The following PLPP3 variants were observed in gnomAD, a reference collection of about 807,000 sequenced individuals.
The protein encoded by PLPP3 is phospholipid phosphatase 3.
In PLPP3, 6 loss-of-function variants were observed where a neutral mutation model predicts 29.6. The observed-to-expected ratio is 0.20, with a 90% CI of 0.11 to 0.40. PLPP3 has a LOEUF of 0.40. Among genes scored for constraint, PLPP3 ranks in the 10% least tolerant of loss-of-function variants. The pLI is 1.00. For synonymous variants in PLPP3, 152 were observed against 159.7 expected, an observed-to-expected ratio of 0.95 and a Z score of 0.36; for missense variants, 308 against 407.7, an observed-to-expected ratio of 0.76 and a Z score of 2.11.
chr1:56,519,755 T>C (rs1429387626), intron 4 of PLPP3, among the ~76,000 whole-genome samples: 1 of 152,082 alleles, frequency 6.6e-6, no homozygotes, highest in Admixed American at 6.5e-5. Flanking sequence ...TGTTTTTTTT[T>C]TTTTAATTAG....
intron 5 of PLPP3, among the ~76,000 whole-genome samples, chr1:56,499,077 C>G (rs1385858539): frequency 2.2e-4 from 32 of 146,450 alleles, no homozygotes; most frequent in Non-Finnish European, 4.1e-4. Flanking sequence ...CCCCCGTCCC[C>G]CCCCCCCACC....
At chr1:56,530,414 C>CA (rs1645879928) in intron 2 of PLPP3, among the ~76,000 whole-genome samples, 1 of 152,196 alleles carries the variant, frequency 6.6e-6, no homozygotes, top group Non-Finnish European at 1.5e-5. Flanking sequence ...CTAACTCTCC[C>CA]ACCTGGAGAT....
chr1:56,520,816 C>A (rs1032024006), intron 4 of PLPP3, among the ~76,000 whole-genome samples: 6 of 136,654 alleles, frequency 4.4e-5, no homozygotes, highest in Admixed American at 1.7e-4. Context: ...GAGTCTAAGG[C>A]AGGAGAATTG....
intron 2 of PLPP3, among the ~76,000 whole-genome samples, chr1:56,532,430 A>G (rs116531072): frequency 0.01 from 1,569 of 152,138 alleles, 21 homozygotes; most frequent in African/African-American, 0.036. Context: ...GGCAATGTTG[A>G]GGAACCTTGT....
rs1181170054 is a variant in PLPP3, at chr1:56,578,942, G to A, written c.75C>T (p.Asn25=). The change falls in exon 1 of 6, where the codon AAC becomes AAT. Residue 25 remains asparagine (N), a synonymous_variant. Transcript: ENST00000371250. ...CCCGCTTGCTGCCGCTCCTCCTCGG[G>A]TTGTTGTTGAGCGCCGGGCTGCCGC... ...KNGGSPALNN[N]PRRSGSKRVL... 6.2e-7 allele frequency: 1 copy of A among 1,606,022 alleles called. No homozygotes were observed. The highest frequency in any genetic ancestry group is 1.7e-5 in the Admixed American group (1 of 59,670).
At chr1:56,559,303 T>C (rs1646105599) in intron 1 of PLPP3, among the ~76,000 whole-genome samples, 1 of 152,220 alleles carries the variant, frequency 6.6e-6, no homozygotes, top group Non-Finnish European at 1.5e-5. Context: ...TGAGAATACC[T>C]GTGCATTCAA....
At chr1:56,497,542 G>A (rs79066668) in intron 5 of PLPP3, among the ~76,000 whole-genome samples, 5,490 of 152,216 alleles carry the variant, frequency 0.036, 176 homozygotes, top group Non-Finnish European at 0.042. Context: ...AACCATAAGC[G>A]GCAGCTATCA....
At chr1:56,510,150 A>G (rs1392255487) in intron 5 of PLPP3, among the ~76,000 whole-genome samples, 7 of 152,134 alleles carry the variant, frequency 4.6e-5, no homozygotes, top group Admixed American at 6.6e-5. Flanking sequence ...GCCAAGAAGG[A>G]ACCACAACAG....
At chr1:56,545,195 G>T (rs976279223) in intron 1 of PLPP3, among the ~76,000 whole-genome samples, 6 of 152,156 alleles carry the variant, frequency 3.9e-5, no homozygotes, top group Non-Finnish European at 7.3e-5. Context: ...AGGCAGACAA[G>T]ATTTCATATT....
chr1:56,502,373 C>T (rs1030660469), intron 5 of PLPP3, among the ~76,000 whole-genome samples: 6 of 152,182 alleles, frequency 3.9e-5, no homozygotes, highest in African/African-American at 1.4e-4. Flanking sequence ...AATTGAGCAT[C>T]ATCTATTCTG....
In PLPP3 at chr1:56,579,016, TGGCGCTGGCTGC is replaced by T. The variant is rs999853026; in HGVS notation, c.-12_-1del. 6.3e-7 allele frequency: 1 copy of T among 1,590,286 alleles called. No individual in the cohort carries two copies. Among genetic ancestry groups the T allele is most frequent in the Non-Finnish European group, 8.5e-7 (1 of 1,170,736 alleles). ...GCTTTGTCGTACTTGTAGTTTTGCA[TGGCGCTGGCTGC>T]GGCGCGAGCCTCCCGCCCCGCGAAG... On this transcript the variant is annotated 5_prime_UTR_variant, in exon 1 of 6. Transcript: ENST00000371250.
intron 1 of PLPP3, among the ~76,000 whole-genome samples, chr1:56,572,772 G>T (rs1317618415): frequency 6.6e-6 from 1 of 152,112 alleles, no homozygotes; most frequent in Non-Finnish European, 1.5e-5. Flanking sequence ...ACTCTATGAA[G>T]AACAACAGCA....
At chr1:56,507,907 T>A (rs1306450441) in intron 5 of PLPP3, among the ~76,000 whole-genome samples, 1 of 152,074 alleles carries the variant, frequency 6.6e-6, no homozygotes, top group Non-Finnish European at 1.5e-5. Flanking sequence ...GCTTTGAAAG[T>A]GGAGAATGGG....
intron 4 of PLPP3, 76 bp from the exon 5 acceptor site, chr1:56,512,228 C>T: frequency 1.5e-6 from 2 of 1,306,800 alleles, no homozygotes; most frequent in Non-Finnish European, 2.0e-6. Context: ...AGGTGACACA[C>T]ACTACATTTC....
rs977551641 is a variant in PLPP3, at chr1:56,579,112, C to T, written c.-96G>A. On this transcript the variant is annotated 5_prime_UTR_variant, in exon 1 of 6. Coordinates refer to ENST00000371250, the MANE Select transcript of PLPP3 (RefSeq NM_003713.5). Reference sequence around the variant, plus strand: ...CCGGGTCGCCTCCTGGCCGAGGCTGCTGCGGATAGTGGCGGGTCGGCCCCG... The same window carrying T: ...CCGGGTCGCCTCCTGGCCGAGGCTGTTGCGGATAGTGGCGGGTCGGCCCCG... 2.6e-6 allele frequency: 4 copies of T among 1,514,974 alleles called. No homozygotes were observed. The African/African-American group carries it at 5.8e-5, about 22-fold the overall frequency. 93.8% of individuals were successfully genotyped at this position (1,514,974 alleles called of 1,614,324 possible).
At chr1:56,533,330 G>A (rs574887072) in intron 2 of PLPP3, among the ~76,000 whole-genome samples, 86 of 152,168 alleles carry the variant, frequency 5.7e-4, no homozygotes, top group Non-Finnish European at 9.4e-4. Context: ...TTGTATTAAG[G>A]TGTTATTTGC....
Position 56,524,840 on chromosome 1 carries a change from T to C in PLPP3, c.298-286A>G, listed in dbSNP as rs1645843209. ...TGTGTGTGTGTGTGTGTGTATCTTT[T>C]TTTTTAAGGGAGAGACAAGAACTTA... On this transcript the variant is annotated intron_variant, in intron 2 of 5. Coordinates refer to ENST00000371250, the MANE Select transcript of PLPP3 (RefSeq NM_003713.5). This position sits in a 1 kb window ranked among gnomAD's most constrained non-coding sequence, Gnocchi z 4.3. Among the ~76,000 whole-genome samples the C allele has an allele frequency of 6.6e-6, 1 of 151,954 alleles. No individual in the cohort carries two copies. The highest frequency in any genetic ancestry group is 6.6e-5 in the Admixed American group (1 of 15,244).
At chr1:56,540,394 A>G (rs1243004825) in intron 1 of PLPP3, among the ~76,000 whole-genome samples, 1 of 152,152 alleles carries the variant, frequency 6.6e-6, no homozygotes, top group East Asian at 1.9e-4. Context: ...TAATGCCAGC[A>G]TAGAGTCCGG....
At chr1:56,508,476 TG>T (rs1645718735) in intron 5 of PLPP3, among the ~76,000 whole-genome samples, 1 of 152,260 alleles carries the variant, frequency 6.6e-6, no homozygotes, top group Non-Finnish European at 1.5e-5. Flanking sequence ...CTGTGTTTCT[TG>T]GCACCTCAAG....
Sources: gnomAD v4.1 joint callset for allele counts (sites outside exome capture counted in the v4.1 genomes callset) on GRCh38, gnomAD v4.1.1 for gene constraint, Gnocchi (gnomAD v3.1) non-coding constraint, MANE v1.5 for transcripts, NCBI Gene and HGNC (gene_info 2026-07-23, HGNC 2026-07-21) for gene names.